TACC2: variants seen among roughly 807,000 people sequenced by gnomAD.
TACC2 encodes transforming acidic coiled-coil containing protein 2.
TACC2 carries 137 observed loss-of-function variants against 227.3 expected under a neutral mutation model. The observed-to-expected ratio is 0.60, with a 90% CI of 0.52 to 0.69. The LOEUF is 0.69. Ranked by LOEUF, TACC2 falls within the 30% of genes least tolerant of loss-of-function variation. The pLI, the probability that TACC2 is intolerant of heterozygous loss-of-function variation, is 0.00. For synonymous variants in TACC2, 1,523 were observed against 1,487.5 expected (o/e 1.02, Z -0.55); for missense variants, 3,470 against 3,694.4 (o/e 0.94, Z 1.57).
intron 7 of TACC2, among the ~76,000 whole-genome samples, chr10:122,155,415 G>T (rs1251117711): frequency 6.6e-6 from 1 of 152,230 alleles, no homozygotes; most frequent in Non-Finnish European, 1.5e-5. Context: ...CAAAGCAAAT[G>T]CGACATCAAA....
Position 122,083,394 on chromosome 10 carries a change from G to C in TACC2, c.894G>C (p.Gln298His). The C allele has an allele frequency of 5.6e-6, 9 of 1,613,936 alleles. No homozygotes were observed. The highest frequency in any genetic ancestry group is 7.6e-6 in the Non-Finnish European group (9 of 1,180,036). ...GAGGCCAAGGGGAGGCGCCGCCTCA[G>C]TATTTAACAGATGACTTGGAATTCC... ...RERGQGEAPP[Q>H]YLTDDLEFLR... is the part of the protein sequence containing the mutation. The change falls in exon 4 of 23, where the codon CAG becomes CAC. Residue 298 changes from glutamine to histidine, a missense_variant. Gln to His is a conservative substitution (Grantham distance 24, BLOSUM62 0). Transcript: ENST00000369005.
At chr10:122,181,863 A>G (rs781457211) in intron 7 of TACC2, among the ~76,000 whole-genome samples, 1 of 151,016 alleles carries the variant, frequency 6.6e-6, no homozygotes, top group East Asian at 1.9e-4. Flanking sequence ...TGTGCTGTTT[A>G]CCAGCTATTC....
chr10:122,072,610 T>C (rs1020998364), intron 3 of TACC2, among the ~76,000 whole-genome samples: 3 of 152,234 alleles, frequency 2.0e-5, no homozygotes, highest in African/African-American at 7.2e-5. Flanking sequence ...GAATTCTTTC[T>C]TCAGCATGGA....
chr10:122,232,408 CTG>C (rs1484054362), intron 16 of TACC2, among the ~76,000 whole-genome samples: 6 of 152,160 alleles, frequency 3.9e-5, no homozygotes, highest in African/African-American at 1.4e-4. Flanking sequence ...CCAGAGATGA[CTG>C]TTGGCAAATA....
chr10:122,118,869 C>G (rs1410118570), intron 5 of TACC2, among the ~76,000 whole-genome samples: 1 of 152,152 alleles, frequency 6.6e-6, no homozygotes, highest in Non-Finnish European at 1.5e-5. Context: ...CTAGACAGAT[C>G]TGGTGGCAGA....
At chr10:122,187,068 C>G (rs927745649) in intron 7 of TACC2, among the ~76,000 whole-genome samples, 37 of 152,130 alleles carry the variant, frequency 2.4e-4, no homozygotes, top group African/African-American at 8.7e-4. Flanking sequence ...TGCAGTGGGC[C>G]CTCAGCCACT....
chr10:122,022,321 A>C (rs2135546607), intron 2 of TACC2: 2 of 265,330 alleles, frequency 7.5e-6, no homozygotes, highest in Non-Finnish European at 7.1e-6. Flanking sequence ...AGCTCACTGC[A>C]GCCTCAAACA....
intron 5 of TACC2, among the ~76,000 whole-genome samples, chr10:122,094,492 T>C (rs2081164761): frequency 6.6e-6 from 1 of 152,176 alleles, no homozygotes; most frequent in Admixed American, 6.5e-5. Context: ...TTGTCCAGGC[T>C]GGTCTCGAAC....
chr10:122,011,580 G>A (rs368820425), intron 1 of TACC2, among the ~76,000 whole-genome samples: 8 of 152,210 alleles, frequency 5.3e-5, no homozygotes, highest in Admixed American at 1.3e-4. Context: ...TGCCCACCTC[G>A]GCCTCCCAAA....
intron 6 of TACC2, among the ~76,000 whole-genome samples, chr10:122,135,106 C>T (rs2089319057): frequency 1.3e-5 from 2 of 152,162 alleles, no homozygotes; most frequent in South Asian, 2.1e-4. Flanking sequence ...GACTGGGGCT[C>T]AGAGACGTTA....
Position 121,990,822 on chromosome 10 carries a change from G to T in TACC2, c.-46+1334G>T, listed in dbSNP as rs571844601. 6.6e-5 allele frequency among the ~76,000 whole-genome samples: 10 copies of T among 152,082 alleles called. 1 individual carries two copies. Among genetic ancestry groups the T allele is most frequent in the Admixed American group, 6.6e-4 (10 of 15,240 alleles). ...TTTGTTTTTGAGACAGGGACTCGCT[G>T]TGTTACCCAGGCTGGAGTGTAGTGT... On this transcript the variant is annotated intron_variant, in intron 1 of 22. Transcript: ENST00000369005.
chr10:122,217,114 C>A (rs534011782), intron 11 of TACC2, among the ~76,000 whole-genome samples: 1 of 152,282 alleles, frequency 6.6e-6, no homozygotes, highest in Non-Finnish European at 1.5e-5. Context: ...CCCACTCGAG[C>A]TTTGCCCATG....
chr10:122,119,820 G>C (rs566857005), intron 5 of TACC2, among the ~76,000 whole-genome samples: 1 of 152,184 alleles, frequency 6.6e-6, no homozygotes, highest in South Asian at 2.1e-4. Context: ...TCGGGAGGCT[G>C]ACGCAGGAGA....
chr10:122,221,703 T>C (rs1052021658), intron 11 of TACC2, among the ~76,000 whole-genome samples: 3 of 152,262 alleles, frequency 2.0e-5, no homozygotes, highest in African/African-American at 7.2e-5. Flanking sequence ...GGAATATATC[T>C]GATCATGCTC....
chr10:122,128,541 C>T (rs2087331516), intron 5 of TACC2, among the ~76,000 whole-genome samples: 1 of 152,164 alleles, frequency 6.6e-6, no homozygotes, highest in African/African-American at 2.4e-5. Flanking sequence ...CGTTCCCGCC[C>T]TGGAATGAGG....
chr10:122,207,838 T>C (rs770163860), intron 8 of TACC2, among the ~76,000 whole-genome samples: 5 of 152,204 alleles, frequency 3.3e-5, no homozygotes, highest in Non-Finnish European at 5.9e-5. Flanking sequence ...GAGGCACGTG[T>C]AACGGCCTGA....
At chr10:122,028,797 C>A (rs181207405) in intron 2 of TACC2, among the ~76,000 whole-genome samples, 1 of 72,838 alleles carries the variant, frequency 1.4e-5, no homozygotes, top group Non-Finnish European at 2.7e-5. Context: ...CCTCCCCTCC[C>A]CTCCTCTCCC....
intron 3 of TACC2, among the ~76,000 whole-genome samples, chr10:122,064,047 A>C (rs758770211): frequency 6.6e-6 from 1 of 152,084 alleles, no homozygotes; most frequent in Non-Finnish European, 1.5e-5. Flanking sequence ...CTGTGGTCCC[A>C]GCTACTTGGG....
chr10:122,159,054 G>T (rs74158806), intron 7 of TACC2, among the ~76,000 whole-genome samples: 1 of 152,358 alleles, frequency 6.6e-6, no homozygotes, highest in African/African-American at 2.4e-5. Context: ...GAGGGGATGG[G>T]AAGAAAGAAG....
Sources: allele counts gnomAD v4.1 joint callset (sites outside exome capture counted in the v4.1 genomes callset), GRCh38; gene constraint gnomAD v4.1.1; transcripts MANE v1.5; gene names NCBI Gene and HGNC (gene_info 2026-07-23, HGNC 2026-07-21).